The following AGAP1 variants were observed in gnomAD, a reference collection of about 807,000 sequenced individuals.
AGAP1 encodes ArfGAP with GTPase domain, ankyrin repeat and PH domain 1, also known as arf-GAP with GTPase, ANK repeat and PH domain-containing protein 1.
AGAP1 carries 29 observed loss-of-function variants against 105.3 expected under a neutral mutation model. The ratio of observed to expected loss-of-function variants is 0.28; its 90% CI spans 0.21 to 0.38. The LOEUF (loss-of-function observed/expected upper bound fraction) is 0.38, where lower values mean the gene tolerates loss of function less well. Among genes scored for constraint, AGAP1 ranks in the 10% least tolerant of loss-of-function variants. The probability of loss-of-function intolerance (pLI) is 1.00; values close to 1 mark genes in which losing one functional copy is unlikely to be tolerated. For missense variants in AGAP1, 998 were observed against 1,165.1 expected, an observed-to-expected ratio of 0.86 and a Z score of 2.09; for synonymous variants, 509 against 485.9, an observed-to-expected ratio of 1.05 and a Z score of -0.63.
intron 16 of AGAP1, among the ~76,000 whole-genome samples, chr2:236,060,394 A>G (rs1217838976): frequency 6.6e-6 from 1 of 152,166 alleles, no homozygotes; most frequent in Admixed American, 6.5e-5. Context: ...CAGAATATAT[A>G]AAGAACGGTT....
rs1403441979 is a variant in AGAP1, at chr2:236,020,688, C to G, written c.1646-15873C>G. On this transcript the variant is annotated intron_variant, in intron 13 of 17. Transcript: ENST00000304032. This position sits in a 1 kb window ranked among gnomAD's most constrained non-coding sequence, Gnocchi z 5.0. ...GAAGTGCTTCCCACAGAGCTGGGCA[C>G]ATAGGGAAGCTGGCCGCCGTGGCTG... is the stretch of plus-strand genomic sequence containing the variant. Among the ~76,000 whole-genome samples, 1 of 152,174 alleles carries G rather than the reference C, an allele frequency of 6.6e-6. No homozygotes were observed. The highest frequency in any genetic ancestry group is 1.5e-5 in the Non-Finnish European group (1 of 68,026).
intron 9 of AGAP1, among the ~76,000 whole-genome samples, chr2:235,815,338 C>G (rs1958391506): frequency 6.6e-6 from 1 of 152,212 alleles, no homozygotes; most frequent in African/African-American, 2.4e-5. Context: ...TGCCTTCTTG[C>G]TGTGTCCTCC....
In AGAP1 at chr2:236,072,064, A is replaced by G. The variant is rs141429727; in HGVS notation, c.2114+22783A>G. 2.2e-3 allele frequency among the ~76,000 whole-genome samples: 331 copies of G among 151,946 alleles called. 1 individual carries two copies. Among genetic ancestry groups the G allele is most frequent in the African/African-American group, 6.8e-3 (282 of 41,414 alleles). ...AACTCACATATCCTGTGGTTTTTCA[A>G]TTCTCAAAAAAAGCTTTTGTCTCTC... On this transcript the variant is annotated intron_variant, in intron 16 of 17. Coordinates refer to ENST00000304032, the MANE Select transcript of AGAP1 (RefSeq NM_001037131.3).
rs754612803 is a variant in AGAP1 at position 235,872,154 on chromosome 2, A to G, written c.1051-11191A>G. On this transcript the variant is annotated intron_variant, in intron 9 of 17. Coordinates refer to ENST00000304032, the MANE Select transcript of AGAP1 (RefSeq NM_001037131.3). The surrounding 1 kb of genome is among the most constrained non-coding windows in gnomAD (Gnocchi z 4.5). ...ATCAATTCCTGTCCATGAAATGAGGATAATCAATGACCATCTGGTTGTCAT... is the reference window on the plus strand; with the variant it reads ...ATCAATTCCTGTCCATGAAATGAGGGTAATCAATGACCATCTGGTTGTCAT... 7.2e-5 allele frequency among the ~76,000 whole-genome samples: 11 copies of G among 152,198 alleles called. No individual in the cohort carries two copies. The highest frequency in any genetic ancestry group is 1.6e-4 in the Non-Finnish European group (11 of 68,038).
At chr2:235,898,053 T>TC (rs2050890492) in intron 10 of AGAP1, among the ~76,000 whole-genome samples, 1 of 152,218 alleles carries the variant, frequency 6.6e-6, no homozygotes, top group Non-Finnish European at 1.5e-5. Context: ...CTCTGCCGCA[T>TC]CGGCTATTTG....
At chr2:235,589,407 A>G (rs548059743) in intron 1 of AGAP1, among the ~76,000 whole-genome samples, 6 of 151,704 alleles carry the variant, frequency 4.0e-5, no homozygotes, top group Admixed American at 3.3e-4. Flanking sequence ...GAGTGTCACC[A>G]TTTTGGCCAG....
In AGAP1 at chr2:235,872,693, G is replaced by C. The variant is rs1167912448; in HGVS notation, c.1051-10652G>C. Among the ~76,000 whole-genome samples the C allele has an allele frequency of 6.6e-6, 1 of 152,236 alleles. No homozygotes were observed. The highest frequency in any genetic ancestry group is 1.5e-5 in the Non-Finnish European group (1 of 68,046). On this transcript the variant is annotated intron_variant, in intron 9 of 17. Coordinates refer to ENST00000304032, the MANE Select transcript of AGAP1 (RefSeq NM_001037131.3). The surrounding 1 kb of genome is among the most constrained non-coding windows in gnomAD (Gnocchi z 4.5). ...GGACTGATTGAACATAGAGGAGGCT[G>C]TCTGCGCGCTCAGCCCAGACCAGTG...
chr2:236,065,644 G>C (rs1278988642), intron 16 of AGAP1, among the ~76,000 whole-genome samples: 2 of 152,196 alleles, frequency 1.3e-5, no homozygotes, highest in Non-Finnish European at 2.9e-5. Context: ...ACAAAATCCT[G>C]CTTCCTAAGG....
chr2:235,673,490 G>A (rs890569711), intron 1 of AGAP1, among the ~76,000 whole-genome samples: 1 of 152,184 alleles, frequency 6.6e-6, no homozygotes, highest in African/African-American at 2.4e-5. Flanking sequence ...TTGTGAGATC[G>A]GGTGGCGCCC....
rs1457455930 is a variant in AGAP1 at position 235,590,743 on chromosome 2, C to T, written c.163+95894C>T. On this transcript the variant is annotated intron_variant, in intron 1 of 17. Transcript: ENST00000304032. ...TTTTTTTTTTTTTTTTTTTTTGAGG[C>T]GGAGTCTTGCTCTGTCGCCCAGGCT... is the stretch of plus-strand genomic sequence containing the variant. Among the ~76,000 whole-genome samples the T allele has an allele frequency of 9.0e-4, 54 of 60,202 alleles. 1 individual carries two copies. The East Asian group carries it at 0.025, about 28-fold the overall frequency. 39.5% of individuals were successfully genotyped at this position (60,202 alleles called of 152,430 possible).
rs1457813935 is a variant in AGAP1, at chr2:235,701,796, C to T, written c.164-7383C>T. Among the ~76,000 whole-genome samples, 1 of 152,114 alleles carries T rather than the reference C, an allele frequency of 6.6e-6. No homozygotes were observed. The highest frequency in any genetic ancestry group is 2.4e-5 in the African/African-American group (1 of 41,430). Reference sequence around the variant, plus strand: ...CTTTATTCTATTTAAGACTCCACTTCCTTCCTCGGCACAGAACTGACAGGC... The same window carrying T: ...CTTTATTCTATTTAAGACTCCACTTTCTTCCTCGGCACAGAACTGACAGGC... On this transcript the variant is annotated intron_variant, in intron 1 of 17. Transcript: ENST00000304032. This position sits in a 1 kb window ranked among gnomAD's most constrained non-coding sequence, Gnocchi z 4.1.
intron 1 of AGAP1, among the ~76,000 whole-genome samples, chr2:235,495,614 C>A (rs1941282393): frequency 6.6e-6 from 1 of 152,254 alleles, no homozygotes; most frequent in South Asian, 2.1e-4. Context: ...CACCCGCTTC[C>A]CTCTGCATGT....
At chr2:235,499,188 CCT>C (rs1941455317) in intron 1 of AGAP1, among the ~76,000 whole-genome samples, 2 of 152,284 alleles carry the variant, frequency 1.3e-5, no homozygotes, top group Admixed American at 1.3e-4. Flanking sequence ...TTGCGGAGCC[CCT>C]GTTATTCATA....
Position 235,962,653 on chromosome 2 carries a change from C to G in AGAP1, c.1484-5809C>G, listed in dbSNP as rs894302777. ...AGAGATTCATGAGGGTGGAGTGGCA[C>G]AGAGGCCAGGGTGCTGGAGAGGACA... On this transcript the variant is annotated intron_variant, in intron 12 of 17. Coordinates refer to ENST00000304032, the MANE Select transcript of AGAP1 (RefSeq NM_001037131.3). This position sits in a 1 kb window ranked among gnomAD's most constrained non-coding sequence, Gnocchi z 5.3. Among the ~76,000 whole-genome samples, 1 of 152,076 alleles carries G rather than the reference C, an allele frequency of 6.6e-6. No homozygotes were observed. The highest frequency in any genetic ancestry group is 2.4e-5 in the African/African-American group (1 of 41,402).
chr2:236,069,501 G>A (rs777266137), intron 16 of AGAP1, among the ~76,000 whole-genome samples: 15 of 152,178 alleles, frequency 9.9e-5, no homozygotes, highest in Admixed American at 6.5e-4. Flanking sequence ...TCGGCTCACT[G>A]CAACCTCTGC....
Position 235,905,751 on chromosome 2 carries a change from G to A in AGAP1, c.1156-2987G>A, listed in dbSNP as rs574630579. On this transcript the variant is annotated intron_variant, in intron 10 of 17. Coordinates refer to ENST00000304032, the MANE Select transcript of AGAP1 (RefSeq NM_001037131.3). The surrounding 1 kb of genome is among the most constrained non-coding windows in gnomAD (Gnocchi z 4.2). ...TGACCTCAAGTGATCCACTCTCCTC[G>A]GCCTCCCAGAGTGCTGGGATTACAG... 9.9e-5 allele frequency among the ~76,000 whole-genome samples: 15 copies of A among 152,088 alleles called. No homozygotes were observed. Among genetic ancestry groups the A allele is most frequent in the South Asian group, 4.1e-4 (2 of 4,822 alleles).
At chr2:235,990,158 A>G (rs2055499901) in intron 13 of AGAP1, among the ~76,000 whole-genome samples, 1 of 152,224 alleles carries the variant, frequency 6.6e-6, no homozygotes, top group Admixed American at 6.5e-5. Context: ...ATTGGTTTAA[A>G]TCAAATTGCA....
rs1242539039 is a variant in AGAP1 at position 236,035,068 on chromosome 2, G to C, written c.1646-1493G>C. ...GCGCATTGTGAGGAAGGGCCTGGGA[G>C]AGCCAGTCTAGGTGAGGTCAGTAAG... On this transcript the variant is annotated intron_variant, in intron 13 of 17. Coordinates refer to ENST00000304032, the MANE Select transcript of AGAP1 (RefSeq NM_001037131.3). This position sits in a 1 kb window ranked among gnomAD's most constrained non-coding sequence, Gnocchi z 4.2. Among the ~76,000 whole-genome samples, 1 of 152,226 alleles carries C rather than the reference G, an allele frequency of 6.6e-6. No homozygotes were observed. The highest frequency in any genetic ancestry group is 1.5e-5 in the Non-Finnish European group (1 of 68,036).
At position 235,864,695 on chromosome 2, in the gene AGAP1, G is replaced by GA. The variant is rs1465407946; in HGVS notation, c.1051-18645dup. 2.0e-5 allele frequency among the ~76,000 whole-genome samples: 3 copies of GA among 152,106 alleles called. No individual in the cohort carries two copies. Among genetic ancestry groups the GA allele is most frequent in the Non-Finnish European group, 4.4e-5 (3 of 68,010 alleles). On this transcript the variant is annotated intron_variant, in intron 9 of 17. Transcript: ENST00000304032. This position sits in a 1 kb window ranked among gnomAD's most constrained non-coding sequence, Gnocchi z 5.0. ...GGCGATCAAGAGATAATATTAACTA[G>GA]AAAAATCAAGAGGGGATCTGTCAGT...
Sources: allele counts gnomAD v4.1 joint callset (sites outside exome capture counted in the v4.1 genomes callset), GRCh38; gene constraint gnomAD v4.1.1; non-coding constraint Gnocchi (gnomAD v3.1); transcripts MANE v1.5; gene names NCBI Gene and HGNC (gene_info 2026-07-23, HGNC 2026-07-21).